LPCAT1: variants seen among roughly 807,000 people sequenced by gnomAD.
LPCAT1 encodes the protein 1-acylglycerol-3-phosphate O-acyltransferase.
LPCAT1 carries 23 observed loss-of-function variants against 60.9 expected under a neutral mutation model. That is an observed-to-expected ratio of 0.38 (90% CI 0.27 to 0.53). LPCAT1 has a LOEUF of 0.53. LPCAT1 is among the 20% of genes least tolerant of loss of function. The pLI is 0.82. For missense variants in LPCAT1, 622 were observed against 723.6 expected (o/e 0.86, Z 1.61); for synonymous variants, 340 against 301.1 (o/e 1.13, Z -1.34).
chr5:1,501,683 G>A (rs1736014876), intron 1 of LPCAT1, 80 bp from the exon 2 acceptor site: 1 of 1,425,820 alleles, frequency 7.0e-7, no homozygotes, highest in Non-Finnish European at 9.8e-7. Context: ...GCTAGCCCAG[G>A]GGGACAGCGC....
chr5:1,473,038 CCT>C (rs1214946005), intron 11 of LPCAT1, among the ~76,000 whole-genome samples: 2 of 101,286 alleles, frequency 2.0e-5, no homozygotes, highest in Admixed American at 9.4e-5. Flanking sequence ...TCTGGGTGCT[CCT>C]CTCTCCTCTC....
intron 3 of LPCAT1, among the ~76,000 whole-genome samples, chr5:1,492,325 T>G (rs1028349810): frequency 1.3e-5 from 2 of 151,334 alleles, no homozygotes; most frequent in African/African-American, 2.4e-5. Flanking sequence ...GTCTCTGAGC[T>G]GGGGCCTGGG....
In LPCAT1 at chr5:1,483,778, A is replaced by G. The variant is rs78648243; in HGVS notation, c.668-292T>C. ...CGTCTGTGGAGGGACACTTGCTATT[A>G]TAACATTGCGCACGAGCTGGAAGAC... On this transcript the variant is annotated intron_variant, in intron 5 of 13. Transcript: ENST00000283415. The surrounding 1 kb of genome is among the most constrained non-coding windows in gnomAD (Gnocchi z 9.2). 0.011 allele frequency among the ~76,000 whole-genome samples: 1,664 copies of G among 149,126 alleles called. 3 individuals are homozygous for G. The highest frequency in any genetic ancestry group is 0.026 in the East Asian group (130 of 4,910).
rs547100658 is a variant in LPCAT1, at chr5:1,467,121, C to T, written c.1279-231G>A. On this transcript the variant is annotated intron_variant, in intron 12 of 13. Transcript: ENST00000283415. ...TCGTGGACACACAGCAGATGCTTCT[C>T]GGGCAAGGGCTCAGACGCTGCCCAC... 14 of 403,050 alleles carry T rather than the reference C, an allele frequency of 3.5e-5. No homozygotes were observed. In the Admixed American group the frequency reaches 4.9e-4, roughly 14 times the overall value. 25.0% of individuals were successfully genotyped at this position (403,050 alleles called of 1,614,324 possible).
At position 1,495,067 on chromosome 5, in the gene LPCAT1, A is replaced by G. The variant is rs1735736372; in HGVS notation, c.279-153T>C. On this transcript the variant is annotated intron_variant, in intron 2 of 13. Transcript: ENST00000283415. This position sits in a 1 kb window ranked among gnomAD's most constrained non-coding sequence, Gnocchi z 4.7. ...CGCCGCTGGGACATCTGCTTGAGGG[A>G]AGAAAAGACGCCGCGCCTTCCTGGC... is the stretch of plus-strand genomic sequence containing the variant. 20 of 688,736 alleles carry G rather than the reference A, an allele frequency of 2.9e-5. No homozygotes were observed. The South Asian group carries it at 3.7e-4, about 13-fold the overall frequency. The allele number at this position is 688,736 out of a possible 1,614,324, so 42.7% of individuals were successfully genotyped here.
chr5:1,518,911 A>G (rs1301421165), intron 1 of LPCAT1, among the ~76,000 whole-genome samples: 1 of 152,242 alleles, frequency 6.6e-6, no homozygotes, highest in Non-Finnish European at 1.5e-5. Context: ...TGGGAACGGA[A>G]AGGTGTTGTC....
Position 1,463,285 on chromosome 5 carries a change from C to T in LPCAT1, c.*366G>A. 4.4e-6 allele frequency: 1 copy of T among 226,060 alleles called. No homozygotes were observed. Among genetic ancestry groups the T allele is most frequent in the South Asian group, 8.6e-5 (1 of 11,598 alleles). The allele number at this position is 226,060 out of a possible 1,614,324, so 14.0% of individuals were successfully genotyped here. A position where few individuals can be genotyped will look rare whatever the true frequency, so the allele number is the denominator to read the frequency against. ...GTGGCAGGCGTGTGCTGAGTGTGCA[C>T]GGAGGCCCGCCCGGTGCACGCTGCC... On this transcript the variant is annotated 3_prime_UTR_variant, in exon 14 of 14. Transcript: ENST00000283415.
intron 1 of LPCAT1, among the ~76,000 whole-genome samples, chr5:1,504,559 A>G (rs1736123902): frequency 6.6e-6 from 1 of 152,180 alleles, no homozygotes; most frequent in Non-Finnish European, 1.5e-5. Context: ...TACTAAAAAT[A>G]CAAAAGTAGC....
chr5:1,478,072 G>T (rs576354654), intron 8 of LPCAT1, among the ~76,000 whole-genome samples: 1 of 152,398 alleles, frequency 6.6e-6, no homozygotes, highest in South Asian at 2.1e-4. Context: ...GTTTTGTAAT[G>T]GGGATAATGC....
In LPCAT1 at chr5:1,481,082, C is replaced by T. The variant is rs1175371816; in HGVS notation, c.727-106G>A. 2.6e-5 allele frequency: 35 copies of T among 1,364,662 alleles called. 1 individual carries two copies. The highest frequency in any genetic ancestry group is 1.9e-4 in the South Asian group (16 of 86,134). 84.5% of individuals were successfully genotyped at this position (1,364,662 alleles called of 1,614,324 possible). A position where few individuals can be genotyped will look rare whatever the true frequency, so the allele number is the denominator to read the frequency against. ...CCCTGCACCTCCCACCCCACAGAGG[C>T]GCTGCAGCCAGGGGGAAGGGAGGAG... On this transcript the variant is annotated intron_variant, in intron 6 of 13. Transcript: ENST00000283415. The surrounding 1 kb of genome is among the most constrained non-coding windows in gnomAD (Gnocchi z 7.8).
chr5:1,523,430 G>C lies in LPCAT1; in HGVS notation c.135+280C>G, dbSNP rs1314761029. On this transcript the variant is annotated intron_variant, in intron 1 of 13. Transcript: ENST00000283415. This position sits in a 1 kb window ranked among gnomAD's most constrained non-coding sequence, Gnocchi z 7.1. ...GTGCAGGGGTCTGGGGGGAGGAGCA[G>C]AACGCGGGGCGGGGATGGGAAGCGG... 6.6e-6 allele frequency among the ~76,000 whole-genome samples: 1 copy of C among 151,708 alleles called. No homozygotes were observed. The highest frequency in any genetic ancestry group is 1.9e-4 in the East Asian group (1 of 5,192).
Position 1,462,233 on chromosome 5 carries a change from C to G in LPCAT1, c.*1418G>C, listed in dbSNP as rs570250588. 29 of 152,522 alleles carry G rather than the reference C, an allele frequency of 1.9e-4. No homozygotes were observed. Among genetic ancestry groups the G allele is most frequent in the Non-Finnish European group, 4.0e-4 (27 of 68,012 alleles). The allele number at this position is 152,522 out of a possible 1,614,324, so 9.4% of individuals were successfully genotyped here. On this transcript the variant is annotated 3_prime_UTR_variant, in exon 14 of 14. Coordinates refer to ENST00000283415, the MANE Select transcript of LPCAT1 (RefSeq NM_024830.5). ...TCAGAAATCAAAAAAATTTTCCAAACAAACCCGGAGCCTTTGCTTTAGGAA... is the reference window on the plus strand; with the variant it reads ...TCAGAAATCAAAAAAATTTTCCAAAGAAACCCGGAGCCTTTGCTTTAGGAA...
intron 11 of LPCAT1, among the ~76,000 whole-genome samples, chr5:1,473,045 CCT>C (rs1734751985): frequency 1.3e-5 from 2 of 152,170 alleles, no homozygotes; most frequent in Admixed American, 1.3e-4. Flanking sequence ...GCTCCTCTCT[CCT>C]CTCTCCTGCT....
Position 1,478,220 on chromosome 5 carries a change from C to G in LPCAT1, c.817-734G>C, listed in dbSNP as rs201387271. 2.3e-3 allele frequency among the ~76,000 whole-genome samples: 344 copies of G among 152,354 alleles called. 3 individuals carry two copies. The South Asian group carries it at 0.029, about 13-fold the overall frequency. On this transcript the variant is annotated intron_variant, in intron 8 of 13. Transcript: ENST00000283415. ...CACAGCATTTTAAATGAATATGACC[C>G]ACATTGCACACCGTGCAGGAAAGGG...
chr5:1,473,757 T>C (rs558891920), intron 11 of LPCAT1, among the ~76,000 whole-genome samples, 200 bp downstream of exon 11: 1 of 152,294 alleles, frequency 6.6e-6, no homozygotes, highest in Non-Finnish European at 1.5e-5. Flanking sequence ...TGAAGGGTAA[T>C]TTAAACGTCA....
chr5:1,462,325 A>G lies in LPCAT1; in HGVS notation c.*1326T>C, dbSNP rs1734133003. Reference sequence around the variant, plus strand: ...GTTTCTAATTCTGTCATAAAAAATGATGAAACAAGGTGATGTCAGAGGGAC... The same window carrying G: ...GTTTCTAATTCTGTCATAAAAAATGGTGAAACAAGGTGATGTCAGAGGGAC... On this transcript the variant is annotated 3_prime_UTR_variant, in exon 14 of 14. Transcript: ENST00000283415. The G allele has an allele frequency of 6.6e-6, 1 of 152,598 alleles. No individual in the cohort carries two copies. The highest frequency in any genetic ancestry group is 2.1e-4 in the South Asian group (1 of 4,834). 9.5% of individuals were successfully genotyped at this position (152,598 alleles called of 1,614,324 possible). A position where few individuals can be genotyped will look rare whatever the true frequency, so the allele number is the denominator to read the frequency against.
chr5:1,467,810 G>A (rs1734490331), intron 12 of LPCAT1, among the ~76,000 whole-genome samples: 1 of 152,108 alleles, frequency 6.6e-6, no homozygotes, highest in South Asian at 2.1e-4. Context: ...TCCCTCAGAT[G>A]GGCCAGCTCT....
Position 1,502,729 on chromosome 5 carries a change from C to T in LPCAT1, c.136-1126G>A, listed in dbSNP as rs993184949. On this transcript the variant is annotated intron_variant, in intron 1 of 13. Transcript: ENST00000283415. The surrounding 1 kb of genome is among the most constrained non-coding windows in gnomAD (Gnocchi z 5.5). ...CAGAAAAGACCCAGGAGACACAGAT[C>T]GCAGTTGGCTCCCCAAGCAGCAGCC... 6.6e-6 allele frequency among the ~76,000 whole-genome samples: 1 copy of T among 152,200 alleles called. No individual in the cohort carries two copies. The highest frequency in any genetic ancestry group is 2.1e-4 in the South Asian group (1 of 4,812).
rs948110608 is a variant in LPCAT1, at chr5:1,502,332, T to A, written c.136-729A>T. ...TCCCCTGAAATCGTTTATGTGGACA[T>A]GAGAAAGCATACGCCACCCTAGGCA... On this transcript the variant is annotated intron_variant, in intron 1 of 13. Transcript: ENST00000283415. The surrounding 1 kb of genome is among the most constrained non-coding windows in gnomAD (Gnocchi z 5.5). 2.6e-5 allele frequency among the ~76,000 whole-genome samples: 4 copies of A among 151,912 alleles called. No homozygotes were observed. The highest frequency in any genetic ancestry group is 4.2e-4 in the South Asian group (2 of 4,798).
Sources: gnomAD v4.1 joint callset for allele counts (sites outside exome capture counted in the v4.1 genomes callset) on GRCh38, gnomAD v4.1.1 for gene constraint, Gnocchi (gnomAD v3.1) non-coding constraint, MANE v1.5 for transcripts, NCBI Gene and HGNC (gene_info 2026-07-23, HGNC 2026-07-21) for gene names.